SIGLEC12: variants seen among roughly 807,000 people sequenced by gnomAD.
The protein encoded by SIGLEC12 is sialic acid binding Ig like lectin 12, also known as sialic acid-binding Ig-like lectin 12.
SIGLEC12 carries 43 observed loss-of-function variants against 54.1 expected under a neutral mutation model. The ratio of observed to expected loss-of-function variants is 0.80; its 90% CI spans 0.62 to 1.03. SIGLEC12 has a LOEUF of 1.03. SIGLEC12 is among the 50% of genes least tolerant of loss of function. SIGLEC12 has a pLI of 0.00. For missense variants in SIGLEC12, 802 were observed against 735.2 expected (o/e 1.09, Z -1.05); for synonymous variants, 357 against 307.6 (o/e 1.16, Z -1.68).
At chr19:51,496,998 C>G (rs910351472) in intron 6 of SIGLEC12, 22 bp from the exon 7 acceptor site, 1 of 1,612,690 alleles carries the variant, frequency 6.2e-7, no homozygotes, top group Non-Finnish European at 8.5e-7. Flanking sequence ...GACCAGAGAG[C>G]CTTTCAGTGT....
intron 7 of SIGLEC12, among the ~76,000 whole-genome samples, chr19:51,494,445 C>T (rs147129447): frequency 8.5e-5 from 13 of 152,160 alleles, no homozygotes; most frequent in South Asian, 2.1e-4. Context: ...CAAAAACAAA[C>T]GAAAACCAAA....
intron 7 of SIGLEC12, among the ~76,000 whole-genome samples, chr19:51,492,466 A>G (rs1220382058): frequency 6.6e-6 from 1 of 152,152 alleles, no homozygotes; most frequent in African/African-American, 2.4e-5. Flanking sequence ...TATCCCTCTT[A>G]TAGGAAGAAT....
At position 51,499,930 on chromosome 19, in the gene SIGLEC12, C is replaced by A. The variant is rs1385029641; in HGVS notation, c.798G>T (p.Val266=). Residue 266 remains valine, a synonymous_variant, in exon 2 of 8, where the codon GTG becomes GTT. Transcript: ENST00000291707. ...KWNYIYDKLS[V]HVTALTHMPT... ...GAGCCAGAGATTTACCTGTCACATG[C>A]ACAGAGAGCTTGTCATATATGTAGT... The A allele has an allele frequency of 1.2e-6, 2 of 1,610,016 alleles. No individual in the cohort carries two copies. The highest frequency in any genetic ancestry group is 3.3e-5 in the Admixed American group (2 of 59,874).
chr19:51,500,116 G>T lies in SIGLEC12; in HGVS notation c.612C>A (p.Ala204=). ...GADIPWDIPV[A]TNTPSGKVQE... ...GCACTTTTCCACTTGGGGTGTTTGT[G>T]GCCACTGGAATATCCCATGGTATAT... Residue 204 remains alanine (A), a synonymous_variant, in exon 2 of 8, where the codon GCC becomes GCA. Coordinates refer to ENST00000291707, the MANE Select transcript of SIGLEC12 (RefSeq NM_053003.4). 6.2e-7 allele frequency: 1 copy of T among 1,614,160 alleles called. No individual in the cohort carries two copies. The highest frequency in any genetic ancestry group is 8.5e-7 in the Non-Finnish European group (1 of 1,180,032).
chr19:51,491,605 G>C lies in SIGLEC12; in HGVS notation c.*36C>G, dbSNP rs776724841. On this transcript the variant is annotated 3_prime_UTR_variant, in exon 8 of 8. Coordinates refer to ENST00000291707, the MANE Select transcript of SIGLEC12 (RefSeq NM_053003.4). The stretch of plus-strand genomic sequence containing the variant: ...CTCGGGCTTCTTTGCTGCAGGGGTC[G>C]TGAGCCCTCAAACAGGCCTGAGTCT... The C allele has an allele frequency of 4.4e-6, 7 of 1,603,408 alleles. No homozygotes were observed. In the East Asian group the frequency reaches 1.3e-4, roughly 31 times the overall value.
rs62116166 is a variant in SIGLEC12, at chr19:51,491,450, G to A, written c.*191C>T. The A allele has an allele frequency of 0.052, 30,218 of 581,280 alleles. 1,042 individuals are homozygous for A. The highest frequency in any genetic ancestry group is 0.093 in the Middle Eastern group (203 of 2,188). 36.0% of individuals were successfully genotyped at this position (581,280 alleles called of 1,614,324 possible). A position where few individuals can be genotyped will look rare whatever the true frequency, so the allele number is the denominator to read the frequency against. On this transcript the variant is annotated 3_prime_UTR_variant, in exon 8 of 8. Transcript: ENST00000291707. ...GTGGGTACCAGAGGCCGGGGGCGGG[G>A]AGTGTGGACCGATTGGATGGAGAAA...
At position 51,501,671 on chromosome 19, in the gene SIGLEC12, C is replaced by T. The variant is rs1005578418; in HGVS notation, c.63G>A (p.Gln21=). The T allele has an allele frequency of 6.2e-7, 1 of 1,614,096 alleles. No homozygotes were observed. ...TCTGCATTGTCAGCAGGTAATCCTT[C>T]TGTTCCTTAGCCCCCACTCTCCCAC... ...LLCGRVGAKE[Q]KDYLLTMQKS... Residue 21 remains glutamine, a synonymous_variant, in exon 1 of 8, where the codon CAG becomes CAA. Coordinates refer to ENST00000291707, the MANE Select transcript of SIGLEC12 (RefSeq NM_053003.4).
Position 51,494,417 on chromosome 19 carries a change from C to T in SIGLEC12, c.1599+2463G>A, listed in dbSNP as rs149458313. Among the ~76,000 whole-genome samples the T allele has an allele frequency of 4.2e-3, 636 of 152,246 alleles. 3 individuals carry two copies. The highest frequency in any genetic ancestry group is 0.014 in the African/African-American group (589 of 41,534). On this transcript the variant is annotated intron_variant, in intron 7 of 7. Coordinates refer to ENST00000291707, the MANE Select transcript of SIGLEC12 (RefSeq NM_053003.4). Reference sequence around the variant, plus strand: ...CCTTAATGAGATATCACCTCACACGCGTTAGGATGGCCACTGTCAAAAACA... The same window carrying T: ...CCTTAATGAGATATCACCTCACACGTGTTAGGATGGCCACTGTCAAAAACA...
rs1288699767 is a variant in SIGLEC12, at chr19:51,499,683, C to T, written c.842G>A (p.Gly281Glu). The change falls in exon 3 of 8, where the codon GGG becomes GAG. Residue 281 changes from glycine (G) to glutamate (E), a missense_variant. Transcript: ENST00000291707. ...LTHMPTFSIP[G>E]TLESGHPRNL... ...CCTGGGGTGGCCAGACTCCAGGGTC[C>T]CCGGGATGGAGAAGGTGGGCATGTG... is the stretch of plus-strand genomic sequence containing the variant. 1.2e-6 allele frequency: 2 copies of T among 1,614,018 alleles called. No individual in the cohort carries two copies. The highest frequency in any genetic ancestry group is 1.7e-6 in the Non-Finnish European group (2 of 1,179,972).
chr19:51,494,025 A>G (rs942320032), intron 7 of SIGLEC12, among the ~76,000 whole-genome samples: 2 of 152,110 alleles, frequency 1.3e-5, no homozygotes, highest in African/African-American at 2.4e-5. Flanking sequence ...AATCACACAG[A>G]CGTCCTTGTG....
chr19:51,491,580 C>A lies in SIGLEC12; in HGVS notation c.*61G>T. 6.6e-7 allele frequency: 1 copy of A among 1,513,372 alleles called. No homozygotes were observed. The highest frequency in any genetic ancestry group is 1.1e-5 in the South Asian group (1 of 88,380). 93.7% of individuals were successfully genotyped at this position (1,513,372 alleles called of 1,614,324 possible). A position where few individuals can be genotyped will look rare whatever the true frequency, so the allele number is the denominator to read the frequency against. On this transcript the variant is annotated 3_prime_UTR_variant, in exon 8 of 8. Coordinates refer to ENST00000291707, the MANE Select transcript of SIGLEC12 (RefSeq NM_053003.4). ...GGCTGTTAATTCTAAAGGAATCAGT[C>A]TCGGGCTTCTTTGCTGCAGGGGTCG...
chr19:51,497,148 G>T (rs957440565), intron 6 of SIGLEC12, among the ~76,000 whole-genome samples, 172 bp from the exon 7 acceptor site: 6 of 152,070 alleles, frequency 3.9e-5, no homozygotes, highest in Non-Finnish European at 8.8e-5. Context: ...TTTTTCCTGG[G>T]CAGTAGGGTC....
chr19:51,495,758 C>G lies in SIGLEC12; in HGVS notation c.1599+1122G>C, dbSNP rs148010098. Among the ~76,000 whole-genome samples the G allele has an allele frequency of 3.0e-3, 451 of 152,204 alleles. 1 individual carries two copies. Among genetic ancestry groups the G allele is most frequent in the African/African-American group, 0.01 (420 of 41,510 alleles). On this transcript the variant is annotated intron_variant, in intron 7 of 7. Transcript: ENST00000291707. The stretch of plus-strand genomic sequence containing the variant: ...CTGGCATCTTCTCTTAGGAGATGCT[C>G]TATAACTTTTCCTGAATGAATTAAT...
In SIGLEC12 at chr19:51,501,509, T is replaced by G; in HGVS notation, c.225A>C (p.Pro75=). ...RAGDHVSRNI[P]VATNNPARAV... Reference sequence around the variant, plus strand: ...CTCGAGCTGGGTTGTTTGTGGCCACTGGAATGTTCCGGCTTACATGGTCCC... The same window carrying G: ...CTCGAGCTGGGTTGTTTGTGGCCACGGGAATGTTCCGGCTTACATGGTCCC... Residue 75 remains proline (P), a synonymous_variant, in exon 1 of 8, where the codon CCA becomes CCC. Transcript: ENST00000291707. The G allele has an allele frequency of 6.2e-7, 1 of 1,604,902 alleles. No homozygotes were observed.
intron 7 of SIGLEC12, among the ~76,000 whole-genome samples, chr19:51,492,565 T>C (rs1990134189): frequency 6.6e-6 from 1 of 152,142 alleles, no homozygotes; most frequent in African/African-American, 2.4e-5. Context: ...ACAGATGGAA[T>C]TAGGTTAAGG....
In SIGLEC12 at chr19:51,499,494, A is replaced by G. The variant is rs763303101; in HGVS notation, c.1031T>C (p.Val344Ala). 6.2e-6 allele frequency: 10 copies of G among 1,607,250 alleles called. No homozygotes were observed. The change falls in exon 3 of 8, where the codon GTG (valine) becomes GCG (alanine). Residue 344 changes from valine to alanine, a missense_variant. Physicochemically the swap from Val to Ala is moderately conservative, Grantham distance 64. Coordinates refer to ENST00000291707, the MANE Select transcript of SIGLEC12 (RefSeq NM_053003.4). Reference sequence around the variant, plus strand: ...GGTCACGCCGGCCCCAGGCAAGGTCACCTGACAGGTGAGGCTGGTGCCATG... The same window carrying G: ...GGTCACGCCGGCCCCAGGCAAGGTCGCCTGACAGGTGAGGCTGGTGCCATG... ...QDHGTSLTCQ[V>A]TLPGAGVTMT...
At position 51,501,382 on chromosome 19, in the gene SIGLEC12, T is replaced by A. The variant is rs1451236167; in HGVS notation, c.352A>T (p.Thr118Ser). 1 of 1,614,226 alleles carries A rather than the reference T, an allele frequency of 6.2e-7. No individual in the cohort carries two copies. The highest frequency in any genetic ancestry group is 1.7e-5 in the Admixed American group (1 of 60,030). The change falls in exon 1 of 8, where the codon ACA becomes TCA. Residue 118 changes from threonine to serine, a missense_variant. Physicochemically the swap from Thr to Ser is moderately conservative, Grantham distance 58. Transcript: ENST00000291707. ...CCTCTCTCTACACAAAAGACGTATG[T>A]CCCTGCATCACTCTCTCTGGTGTCT... ...IRDTRESDAG[T>S]YVFCVERGNM... is the part of the protein sequence containing the mutation.
At chr19:51,493,057 TC>T (rs1358918101) in intron 7 of SIGLEC12, among the ~76,000 whole-genome samples, 1 of 152,102 alleles carries the variant, frequency 6.6e-6, no homozygotes, top group African/African-American at 2.4e-5. Flanking sequence ...GTGATTTCAC[TC>T]CCCCATTCTG....
At chr19:51,499,295 A>G in intron 3 of SIGLEC12, 78 bp from the exon 4 acceptor site, 11 of 1,586,618 alleles carry the variant, frequency 6.9e-6, no homozygotes, top group Non-Finnish European at 9.5e-6. Context: ...AGCCCCATAA[A>G]TGGGGAAGGT....
Sources: gnomAD v4.1 joint callset for allele counts (sites outside exome capture counted in the v4.1 genomes callset) on GRCh38, gnomAD v4.1.1 for gene constraint, MANE v1.5 for transcripts, NCBI Gene and HGNC (gene_info 2026-07-23, HGNC 2026-07-21) for gene names.